Variants in WDR27 observed in about 807,000 individuals in gnomAD.
WDR27 encodes WD repeat-containing protein 27.
Under a neutral mutation model 114.4 loss-of-function variants are expected in WDR27, and 100 were observed. The observed-to-expected ratio is 0.87, with a 90% confidence interval of 0.74 to 1.03. The LOEUF (loss-of-function observed/expected upper bound fraction) is 1.03. Ranked by LOEUF, WDR27 falls within the 50% of genes least tolerant of loss-of-function variation. The pLI is 0.00. For missense variants in WDR27, 1,129 were observed against 1,092.9 expected, an observed-to-expected ratio of 1.03 and a Z score of -0.47; for synonymous variants, 449 against 423.1, an observed-to-expected ratio of 1.06 and a Z score of -0.75.
chr6:169,481,751 C>T (rs1397302868), intron 25 of WDR27, among the ~76,000 whole-genome samples: 1 of 152,062 alleles, frequency 6.6e-6, no homozygotes, highest in African/African-American at 2.4e-5. Flanking sequence ...TGAACAACTC[C>T]AGACGTGCCT....
chr6:169,607,192 A>T (rs1809379778), intron 22 of WDR27, among the ~76,000 whole-genome samples: 1 of 151,786 alleles, frequency 6.6e-6, no homozygotes, highest in African/African-American at 2.4e-5. Flanking sequence ...TCTCTCAAAG[A>T]ACTAAAAATA....
intron 25 of WDR27, among the ~76,000 whole-genome samples, chr6:169,495,462 A>G (rs1223773866): frequency 6.6e-6 from 1 of 152,016 alleles, no homozygotes; most frequent in African/African-American, 2.4e-5. Context: ...GAAATATAAA[A>G]TAAAGAAGAT....
Position 169,661,137 on chromosome 6 carries a change from G to A in WDR27, c.1026-371C>T, listed in dbSNP as rs370169716. 9.8e-5 allele frequency among the ~76,000 whole-genome samples: 15 copies of A among 152,372 alleles called. 1 individual carries two copies. Among genetic ancestry groups the A allele is most frequent in the Admixed American group, 7.2e-4 (11 of 15,312 alleles). The stretch of plus-strand genomic sequence containing the variant: ...GGCTGGCCACATCTGTGCCACCAAC[G>A]CATTTGTGGTGATCCCCTGGGCACC... On this transcript the variant is annotated intron_variant, in intron 9 of 25. Coordinates refer to ENST00000448612, the MANE Select transcript of WDR27 (RefSeq NM_182552.5).
At chr6:169,563,445 T>A (rs74926293) in intron 25 of WDR27, among the ~76,000 whole-genome samples, 1 of 152,158 alleles carries the variant, frequency 6.6e-6, no homozygotes, top group African/African-American at 2.4e-5. Flanking sequence ...TGGCTTCAAC[T>A]CCAAACATGT....
intron 25 of WDR27, among the ~76,000 whole-genome samples, chr6:169,539,042 T>C (rs1796528201): frequency 6.6e-6 from 1 of 152,246 alleles, no homozygotes; most frequent in Admixed American, 6.5e-5. Context: ...GACATTCTAG[T>C]CCCTTATCAT....
chr6:169,615,801 A>C (rs1037412830), intron 21 of WDR27, among the ~76,000 whole-genome samples: 1 of 152,248 alleles, frequency 6.6e-6, no homozygotes, highest in African/African-American at 2.4e-5. Flanking sequence ...TAAACTTTAG[A>C]GCTTCTGCAC....
At chr6:169,571,382 A>C (rs1212497998) in intron 25 of WDR27, among the ~76,000 whole-genome samples, 1 of 152,234 alleles carries the variant, frequency 6.6e-6, no homozygotes, top group East Asian at 1.9e-4. Context: ...ATTACTTCTG[A>C]TAACCCCACT....
rs1785053083 is a variant in WDR27, at chr6:169,693,589, C to G, written c.-7-4577G>C. On this transcript the variant is annotated intron_variant, in intron 1 of 25. Coordinates refer to ENST00000448612, the MANE Select transcript of WDR27 (RefSeq NM_182552.5). ...TCAAGTATCTGGTGTCTTCAAGAGA[C>G]TCATGTAACACATAAGAACTCACAT... 2.6e-5 allele frequency among the ~76,000 whole-genome samples: 4 copies of G among 152,202 alleles called. 1 individual carries two copies. In the Middle Eastern group the frequency reaches 0.014, roughly 518 times the overall value.
At chr6:169,585,198 G>C (rs1195333415) in intron 23 of WDR27, among the ~76,000 whole-genome samples, 2 of 152,100 alleles carry the variant, frequency 1.3e-5, no homozygotes, top group Non-Finnish European at 2.9e-5. Flanking sequence ...ACTCCTAGAA[G>C]AGAACATAGT....
intron 16 of WDR27, among the ~76,000 whole-genome samples, chr6:169,644,054 G>A (rs779819379): frequency 1.3e-4 from 20 of 151,066 alleles, no homozygotes; most frequent in Non-Finnish European, 2.7e-4. Flanking sequence ...TAGTTCATAC[G>A]AGTCACACTG....
chr6:169,442,614 T>C, the WDR27 span, among the ~76,000 whole-genome samples: 1 of 152,234 alleles, frequency 6.6e-6, no homozygotes, highest in East Asian at 1.9e-4. Context: ...CTTCAAGAAT[T>C]TGTCTTCTCA....
At chr6:169,647,630 C>A in intron 16 of WDR27, 143 bp downstream of exon 16, 1 of 808,832 alleles carries the variant, frequency 1.2e-6, no homozygotes, top group Non-Finnish European at 2.1e-6. Context: ...CATCCAGACA[C>A]AAACCATGCC....
Position 169,613,666 on chromosome 6 carries a change from TA to T in WDR27, c.2224-11del. 6.2e-7 allele frequency: 1 copy of T among 1,604,734 alleles called. No homozygotes were observed. Among genetic ancestry groups the T allele is most frequent in the Non-Finnish European group, 8.5e-7 (1 of 1,172,138 alleles). Reference sequence around the variant, plus strand: ...TTGTAAATGATGAACCCTATAATTTTAAGGGGGAAATCAAGATGTACTTTCA... The same window carrying T: ...TTGTAAATGATGAACCCTATAATTTTAGGGGGAAATCAAGATGTACTTTCA... On this transcript the variant is annotated splice_polypyrimidine_tract_variant and intron_variant, in intron 21 of 25. Transcript: ENST00000448612.
At chr6:169,458,270 A>C (rs894215036) in intron 25 of WDR27, among the ~76,000 whole-genome samples, 1 of 152,154 alleles carries the variant, frequency 6.6e-6, no homozygotes, top group African/African-American at 2.4e-5. Context: ...ATGGGCAGAA[A>C]GCACCCATCC....
intron 13 of WDR27, among the ~76,000 whole-genome samples, chr6:169,652,525 G>GA (rs1822880654): frequency 6.6e-6 from 1 of 152,344 alleles, no homozygotes; most frequent in East Asian, 1.9e-4. Context: ...GGGATTACAG[G>GA]CGTGAGCCAC....
At chr6:169,649,142 G>A (rs1821579245) in intron 15 of WDR27, 56 bp downstream of exon 15, 1 of 1,435,560 alleles carries the variant, frequency 7.0e-7, no homozygotes, top group African/African-American at 1.4e-5. Flanking sequence ...CAGTTAAAGT[G>A]TTGGAAAGGT....
chr6:169,630,321 C>T (rs751968733), intron 21 of WDR27, among the ~76,000 whole-genome samples: 8 of 152,126 alleles, frequency 5.3e-5, no homozygotes, highest in African/African-American at 7.2e-5. Context: ...TACAAAGAAT[C>T]GAATCCTTTG....
intron 22 of WDR27, among the ~76,000 whole-genome samples, chr6:169,604,143 A>G (rs1808630247): frequency 6.6e-6 from 1 of 152,214 alleles, no homozygotes; most frequent in Non-Finnish European, 1.5e-5. Flanking sequence ...GACCAACAAA[A>G]CAATTTAAAA....
In WDR27 at chr6:169,662,298, A is replaced by G. The variant is rs1364417346; in HGVS notation, c.1025+6T>C. 1.2e-6 allele frequency: 2 copies of G among 1,612,752 alleles called. No individual in the cohort carries two copies. The highest frequency in any genetic ancestry group is 1.7e-6 in the Non-Finnish European group (2 of 1,178,814). On this transcript the variant is annotated splice_donor_region_variant and intron_variant, in intron 9 of 25. Transcript: ENST00000448612. ...ATGTGGCATAGGCAAAGTTTTTGAT[A>G]CTTACCATCCACATGCAGAATTTGG...
Sources: gnomAD v4.1 joint callset for allele counts (sites outside exome capture counted in the v4.1 genomes callset) on GRCh38, gnomAD v4.1.1 for gene constraint, MANE v1.5 for transcripts, NCBI Gene and HGNC (gene_info 2026-07-23, HGNC 2026-07-21) for gene names.